The following CSMD1 variants were observed in gnomAD, a reference collection of about 807,000 sequenced individuals.
CSMD1 encodes the protein CUB and Sushi multiple domains 1.
A neutral mutation model predicts 417.5 loss-of-function variants in CSMD1; 213 were observed. The ratio of observed to expected loss-of-function variants is 0.51; its 90% confidence interval spans 0.46 to 0.57. The LOEUF (loss-of-function observed/expected upper bound fraction) is 0.57. CSMD1 is among the 20% of genes least tolerant of loss of function. The pLI is 0.00. For synonymous variants in CSMD1, 2,862 were observed against 1,736.8 expected, an observed-to-expected ratio of 1.65 and a Z score of -16.11; for missense variants, 6,923 against 4,529.7, an observed-to-expected ratio of 1.53 and a Z score of -15.17.
chr8:4,085,423 T>G (rs1378392229), intron 3 of CSMD1, among the ~76,000 whole-genome samples: 1 of 152,224 alleles, frequency 6.6e-6, no homozygotes, highest in Non-Finnish European at 1.5e-5. Context: ...TGTGGTGATT[T>G]TGATTATTTA....
At chr8:4,938,136 G>T (rs1204348601) in intron 1 of CSMD1, among the ~76,000 whole-genome samples, 1 of 152,032 alleles carries the variant, frequency 6.6e-6, no homozygotes, top group African/African-American at 2.4e-5. Context: ...ATACCCATTG[G>T]TGCACTGATG....
At chr8:4,922,587 T>C (rs893289193) in intron 1 of CSMD1, among the ~76,000 whole-genome samples, 2 of 152,202 alleles carry the variant, frequency 1.3e-5, no homozygotes, top group African/African-American at 2.4e-5. Context: ...ATAAAAGCTA[T>C]TGATAGCGCT....
intron 7 of CSMD1, among the ~76,000 whole-genome samples, chr8:3,671,976 T>C (rs915315972): frequency 2.0e-5 from 3 of 152,174 alleles, no homozygotes; most frequent in Non-Finnish European, 4.4e-5. Flanking sequence ...TTTCGATATG[T>C]TGCAATACTT....
chr8:3,264,230 C>G (rs1801277173), intron 26 of CSMD1, among the ~76,000 whole-genome samples: 2 of 152,268 alleles, frequency 1.3e-5, no homozygotes, highest in East Asian at 1.9e-4. Flanking sequence ...AGGAAACATT[C>G]TCTGCGAATT....
intron 1 of CSMD1, among the ~76,000 whole-genome samples, chr8:4,980,195 C>A (rs1810808065): frequency 6.6e-6 from 1 of 152,208 alleles, no homozygotes; most frequent in Non-Finnish European, 1.5e-5. Flanking sequence ...CAGCTCTCAG[C>A]CATCTCCTGA....
chr8:4,896,470 C>A (rs1384289156), intron 1 of CSMD1, among the ~76,000 whole-genome samples: 1 of 152,082 alleles, frequency 6.6e-6, no homozygotes, highest in African/African-American at 2.4e-5. Context: ...TTGAAACTCT[C>A]AAACTGAAAC....
intron 5 of CSMD1, among the ~76,000 whole-genome samples, chr8:3,782,029 ATCTC>A (rs3028585): frequency 0.32 from 48,154 of 151,862 alleles, 8,973 homozygotes; most frequent in Non-Finnish European, 0.43. Context: ...ATTTAAGAGT[ATCTC>A]TCTATTATTA....
At chr8:4,251,613 T>C (rs1007919266) in intron 3 of CSMD1, among the ~76,000 whole-genome samples, 1 of 152,194 alleles carries the variant, frequency 6.6e-6, no homozygotes. Flanking sequence ...AGGTTTCATG[T>C]CTGGATATTA....
chr8:3,375,367 G>C (rs1330305879), intron 18 of CSMD1: 1 of 152,098 alleles, frequency 6.6e-6, no homozygotes, highest in African/African-American at 2.4e-5. Context: ...TGAAAGCACA[G>C]CCTTGGGCCT....
intron 3 of CSMD1, among the ~76,000 whole-genome samples, chr8:4,355,186 T>C (rs962819972): frequency 8.6e-5 from 13 of 151,924 alleles, no homozygotes; most frequent in East Asian, 1.9e-4. Context: ...GGCGTGAACC[T>C]GGGAGGCGGA....
chr8:3,276,421 C>G (rs2099846), intron 26 of CSMD1, among the ~76,000 whole-genome samples: 1 of 152,078 alleles, frequency 6.6e-6, no homozygotes, highest in Non-Finnish European at 1.5e-5. Context: ...TTGGCTTCTC[C>G]GACTGCAAGT....
intron 41 of CSMD1, among the ~76,000 whole-genome samples, chr8:3,123,490 C>G (rs1364358665): frequency 6.6e-6 from 1 of 152,142 alleles, no homozygotes; most frequent in African/African-American, 2.4e-5. Context: ...CTTTATTATT[C>G]TCTTTTAGAA....
At chr8:4,053,724 C>T (rs1485646233) in intron 3 of CSMD1, among the ~76,000 whole-genome samples, 1 of 152,054 alleles carries the variant, frequency 6.6e-6, no homozygotes, top group African/African-American at 2.4e-5. Flanking sequence ...GAAAATGCTC[C>T]AGAACTGGCT....
intron 3 of CSMD1, among the ~76,000 whole-genome samples, chr8:4,302,960 G>A (rs904788574): frequency 2.0e-5 from 3 of 152,068 alleles, no homozygotes; most frequent in Admixed American, 6.6e-5. Context: ...GCATGAAACT[G>A]TGACCAGAAG....
At chr8:4,688,451 C>T (rs1052638578) in intron 1 of CSMD1, among the ~76,000 whole-genome samples, 2 of 152,074 alleles carry the variant, frequency 1.3e-5, no homozygotes, top group African/African-American at 4.8e-5. Flanking sequence ...TCCCCGGGTC[C>T]CTGCTGCCAG....
chr8:4,522,199 T>C (rs1803493710), intron 2 of CSMD1, among the ~76,000 whole-genome samples: 1 of 152,054 alleles, frequency 6.6e-6, no homozygotes, highest in Admixed American at 6.6e-5. Flanking sequence ...AGCTGATGAT[T>C]TATAAAAATG....
chr8:4,053,196 A>C (rs1316438256), intron 3 of CSMD1, among the ~76,000 whole-genome samples: 1 of 152,226 alleles, frequency 6.6e-6, no homozygotes, highest in African/African-American at 2.4e-5. Flanking sequence ...CTGAAAATAT[A>C]ACACGTTATT....
At chr8:3,384,454 G>A (rs188534834) in intron 18 of CSMD1, among the ~76,000 whole-genome samples, 589 of 151,150 alleles carry the variant, frequency 3.9e-3, no homozygotes, top group Admixed American at 6.7e-3. Flanking sequence ...TTACGCTATT[G>A]CACTAATATA....
chr8:4,157,858 A>C, intron 3 of CSMD1, among the ~76,000 whole-genome samples: 1 of 152,138 alleles, frequency 6.6e-6, no homozygotes, highest in Middle Eastern at 3.2e-3. Flanking sequence ...AGGATGCTGA[A>C]GTTGGGCTTG....
Sources: gnomAD v4.1 joint callset for allele counts (sites outside exome capture counted in the v4.1 genomes callset) on GRCh38, gnomAD v4.1.1 for gene constraint, MANE v1.5 for transcripts, NCBI Gene and HGNC (gene_info 2026-07-23, HGNC 2026-07-21) for gene names.